DAP: variants seen among roughly 807,000 people sequenced by gnomAD.
DAP encodes death associated protein, also known as death-associated protein 1.
A neutral mutation model predicts 13.8 loss-of-function variants in DAP; 8 were observed. The observed-to-expected ratio is 0.58, with a 90% CI of 0.34 to 1.05. The LOEUF is 1.05. Among genes scored for constraint, DAP ranks in the 50% least tolerant of loss-of-function variants. The pLI is 0.03. For missense variants in DAP, 106 were observed against 133.2 expected (o/e 0.80, Z 1.01); for synonymous variants, 47 against 47.5 (o/e 0.99, Z 0.04).
intron 2 of DAP, among the ~76,000 whole-genome samples, chr5:10,710,078 T>C (rs774432318): frequency 2.2e-4 from 33 of 152,034 alleles, no homozygotes; most frequent in Non-Finnish European, 3.2e-4. Context: ...TGCCTGGGAG[T>C]TTCCGTCACC....
At chr5:10,738,583 T>C (rs1739674723) in intron 2 of DAP, among the ~76,000 whole-genome samples, 2 of 152,236 alleles carry the variant, frequency 1.3e-5, no homozygotes, top group South Asian at 2.1e-4. Flanking sequence ...ATAAATGACC[T>C]ATACTCTTCA....
At chr5:10,719,486 T>C (rs1299513591) in intron 2 of DAP, among the ~76,000 whole-genome samples, 1 of 152,162 alleles carries the variant, frequency 6.6e-6, no homozygotes, top group Non-Finnish European at 1.5e-5. Context: ...CCTGCCATCT[T>C]CTGCAGATAA....
chr5:10,756,650 G>A (rs1740190428), intron 1 of DAP, among the ~76,000 whole-genome samples: 1 of 151,856 alleles, frequency 6.6e-6, no homozygotes, highest in South Asian at 2.1e-4. Context: ...TCATGTAGCA[G>A]ATTTATGAGA....
intron 2 of DAP, among the ~76,000 whole-genome samples, chr5:10,717,806 C>CTAG (rs1448453281): frequency 0.022 from 3,283 of 152,264 alleles, 89 homozygotes; most frequent in African/African-American, 0.071. Context: ...TAGTGTAGAG[C>CTAG]TATGGCATTG....
intron 2 of DAP, among the ~76,000 whole-genome samples, chr5:10,722,577 CATAT>C (rs1207672031): frequency 6.9e-6 from 1 of 144,386 alleles, no homozygotes; most frequent in Non-Finnish European, 1.5e-5. Context: ...TACATACATA[CATAT>C]ATATACATAT....
At chr5:10,730,292 A>G (rs915515654) in intron 2 of DAP, among the ~76,000 whole-genome samples, 3 of 152,350 alleles carry the variant, frequency 2.0e-5, no homozygotes, top group Admixed American at 1.3e-4. Context: ...ACGTGCAGCG[A>G]GTGGATGCTC....
chr5:10,747,561 T>C (rs1388809999), intron 2 of DAP, among the ~76,000 whole-genome samples: 1 of 152,228 alleles, frequency 6.6e-6, no homozygotes, highest in African/African-American at 2.4e-5. Flanking sequence ...GGTCCACCCC[T>C]GAGGTTCAAC....
chr5:10,721,633 G>C (rs1397554823), intron 2 of DAP, among the ~76,000 whole-genome samples: 2 of 152,154 alleles, frequency 1.3e-5, no homozygotes, highest in East Asian at 3.9e-4. Context: ...CCCAACCCAG[G>C]CAGGACTACA....
chr5:10,680,440 T>C lies in DAP; in HGVS notation c.*616A>G. On this transcript the variant is annotated 3_prime_UTR_variant, in exon 4 of 4. Coordinates refer to ENST00000230895, the MANE Select transcript of DAP (RefSeq NM_004394.3). ...CTGTCTCCAGCCTCATTCTTTGGCA[T>C]GTTGACTCCTGGAATTGAGGGGCTA... 2.3e-6 allele frequency: 1 copy of C among 437,564 alleles called. No homozygotes were observed. Among genetic ancestry groups the C allele is most frequent in the Non-Finnish European group, 4.1e-6 (1 of 245,380 alleles). 27.1% of individuals were successfully genotyped at this position (437,564 alleles called of 1,614,324 possible). A position where few individuals can be genotyped will look rare whatever the true frequency, so the allele number is the denominator to read the frequency against.
intron 2 of DAP, among the ~76,000 whole-genome samples, chr5:10,732,573 G>C (rs1739492743): frequency 6.6e-6 from 1 of 152,200 alleles, no homozygotes. Context: ...CTCATTGGCT[G>C]ATGAGCATTT....
chr5:10,761,214 C>A lies in DAP; in HGVS notation c.-146G>T, dbSNP rs1302640406. On this transcript the variant is annotated 5_prime_UTR_variant, in exon 1 of 4. Coordinates refer to ENST00000230895, the MANE Select transcript of DAP (RefSeq NM_004394.3). ...CGTGGGGCGCCGGGGCCGCGCGAGC[C>A]GGGTGAGTGCCACTGCCGTTAAGGG... 4 of 270,482 alleles carry A rather than the reference C, an allele frequency of 1.5e-5. No individual in the cohort carries two copies. Among genetic ancestry groups the A allele is most frequent in the South Asian group, 1.5e-4 (1 of 6,880 alleles). 16.8% of individuals were successfully genotyped at this position (270,482 alleles called of 1,614,324 possible).
intron 2 of DAP, among the ~76,000 whole-genome samples, chr5:10,709,603 T>C (rs974719997): frequency 5.9e-5 from 9 of 152,202 alleles, no homozygotes; most frequent in African/African-American, 2.2e-4. Flanking sequence ...CTCCGAGGCA[T>C]GGTCTCCAGG....
intron 1 of DAP, among the ~76,000 whole-genome samples, chr5:10,759,589 T>G (rs1357993668): frequency 6.6e-6 from 1 of 152,166 alleles, no homozygotes; most frequent in African/African-American, 2.4e-5. Flanking sequence ...TCTTTCCCAG[T>G]GCCAGTTAGT....
intron 2 of DAP, among the ~76,000 whole-genome samples, chr5:10,744,420 C>T (rs1739850505): frequency 6.6e-6 from 1 of 152,176 alleles, no homozygotes; most frequent in Admixed American, 6.5e-5. Context: ...GTAAAACCAG[C>T]CTAGTCCCCT....
chr5:10,690,448 T>C (rs1738279763), intron 2 of DAP, among the ~76,000 whole-genome samples: 1 of 152,196 alleles, frequency 6.6e-6, no homozygotes, highest in Non-Finnish European at 1.5e-5. Flanking sequence ...CAACAGAAAG[T>C]CTGTCCCCAT....
intron 2 of DAP, among the ~76,000 whole-genome samples, chr5:10,728,490 G>T (rs962965582): frequency 1.3e-5 from 2 of 152,184 alleles, no homozygotes; most frequent in Non-Finnish European, 2.9e-5. Flanking sequence ...TATTTTCAGA[G>T]CTTCAGGGAA....
chr5:10,710,172 C>T (rs928254592), intron 2 of DAP, among the ~76,000 whole-genome samples: 2 of 152,242 alleles, frequency 1.3e-5, no homozygotes, highest in Non-Finnish European at 2.9e-5. Flanking sequence ...ACAATCCAGC[C>T]CCGAAGCCTC....
At chr5:10,688,618 C>T (rs1216541138) in intron 2 of DAP, among the ~76,000 whole-genome samples, 2 of 151,932 alleles carry the variant, frequency 1.3e-5, no homozygotes, top group East Asian at 3.9e-4. Context: ...AAGTTAAAAT[C>T]ACTTGTACTT....
At chr5:10,724,908 T>C (rs1411545407) in intron 2 of DAP, among the ~76,000 whole-genome samples, 1 of 149,704 alleles carries the variant, frequency 6.7e-6, no homozygotes, top group East Asian at 1.9e-4. Flanking sequence ...AGCTCTCTAC[T>C]CCCCCCAGGA....
Sources: gnomAD v4.1 joint callset for allele counts (sites outside exome capture counted in the v4.1 genomes callset) on GRCh38, gnomAD v4.1.1 for gene constraint, MANE v1.5 for transcripts, NCBI Gene and HGNC (gene_info 2026-07-23, HGNC 2026-07-21) for gene names.